The following CDH13 variants were observed in gnomAD, a reference collection of about 807,000 sequenced individuals.
CDH13 encodes the protein cadherin-13.
Under a neutral mutation model 63.8 loss-of-function variants are expected in CDH13, and 24 were observed. The ratio of observed to expected loss-of-function variants is 0.38; its 90% confidence interval spans 0.27 to 0.53. The LOEUF is 0.53. Ranked by LOEUF, CDH13 falls within the 20% of genes least tolerant of loss-of-function variation. CDH13 has a pLI of 0.85. For synonymous variants in CDH13, 503 were observed against 355.3 expected (o/e 1.42, Z -4.67); for missense variants, 1,049 against 903.1 (o/e 1.16, Z -2.07).
At chr16:83,164,039 A>G (rs1038752160) in intron 4 of CDH13, among the ~76,000 whole-genome samples, 11 of 152,072 alleles carry the variant, frequency 7.2e-5, no homozygotes, top group African/African-American at 2.4e-4. Context: ...TAAAAAAGAC[A>G]TAGTTGTTAT....
At chr16:83,678,950 G>A (rs1447942442) in intron 10 of CDH13, among the ~76,000 whole-genome samples, 3 of 152,200 alleles carry the variant, frequency 2.0e-5, no homozygotes, top group Admixed American at 6.5e-5. Context: ...GATGGAAACA[G>A]GACACTCTGC....
At chr16:82,703,867 G>A (rs2031260084) in intron 1 of CDH13, among the ~76,000 whole-genome samples, 1 of 152,124 alleles carries the variant, frequency 6.6e-6, no homozygotes, top group African/African-American at 2.4e-5. Context: ...AGTGACACCT[G>A]CACTCAGAAT....
chr16:83,260,097 TACACACACACACACACACACAC>T (rs61647390), intron 5 of CDH13, among the ~76,000 whole-genome samples: 12 of 126,478 alleles, frequency 9.5e-5, no homozygotes, highest in East Asian at 7.2e-4. Flanking sequence ...GTACCCCCAA[TACACACACACACACACACACAC>T]ACACACACAC....
At chr16:82,909,202 T>G (rs1316629759) in intron 2 of CDH13, among the ~76,000 whole-genome samples, 6 of 152,044 alleles carry the variant, frequency 3.9e-5, no homozygotes, top group African/African-American at 1.4e-4. Flanking sequence ...AATCCATGAT[T>G]GGTCAAATTC....
intron 10 of CDH13, among the ~76,000 whole-genome samples, chr16:83,688,256 T>C (rs1904510004): frequency 6.6e-6 from 1 of 152,194 alleles, no homozygotes; most frequent in African/African-American, 2.4e-5. Context: ...TTCTGTATCT[T>C]CTAAGACCTT....
At chr16:83,681,119 G>A (rs566674776) in intron 10 of CDH13, among the ~76,000 whole-genome samples, 6 of 152,054 alleles carry the variant, frequency 3.9e-5, no homozygotes, top group Admixed American at 6.5e-5. Flanking sequence ...ATTGTGCCAC[G>A]AGTCCTGGTG....
intron 2 of CDH13, among the ~76,000 whole-genome samples, chr16:82,944,166 C>A (rs1904437737): frequency 6.6e-6 from 1 of 152,182 alleles, no homozygotes; most frequent in African/African-American, 2.4e-5. Flanking sequence ...GAATACAAGG[C>A]AAACCACACC....
At chr16:83,430,721 T>A (rs1260182486) in intron 6 of CDH13, among the ~76,000 whole-genome samples, 1 of 152,202 alleles carries the variant, frequency 6.6e-6, no homozygotes, top group Non-Finnish European at 1.5e-5. Flanking sequence ...TCCTATAGTT[T>A]CACCCAGTAG....
At chr16:83,550,577 G>C (rs1425850765) in intron 7 of CDH13, among the ~76,000 whole-genome samples, 1 of 152,188 alleles carries the variant, frequency 6.6e-6, no homozygotes, top group Non-Finnish European at 1.5e-5. Flanking sequence ...AGCATGGTGG[G>C]GGATTCCTGC....
intron 5 of CDH13, among the ~76,000 whole-genome samples, chr16:83,312,951 T>G (rs1362662956): frequency 6.6e-6 from 1 of 152,224 alleles, no homozygotes; most frequent in Non-Finnish European, 1.5e-5. Context: ...AAGCCCGCTG[T>G]AAAGCATAAG....
intron 4 of CDH13, among the ~76,000 whole-genome samples, chr16:83,132,368 T>A (rs2036089707): frequency 6.6e-6 from 1 of 151,956 alleles, no homozygotes; most frequent in East Asian, 1.9e-4. Flanking sequence ...TTTGTGCCCT[T>A]TATCTATGTC....
At chr16:83,352,867 G>A (rs1319315786) in intron 6 of CDH13, among the ~76,000 whole-genome samples, 1 of 152,208 alleles carries the variant, frequency 6.6e-6, no homozygotes, top group Non-Finnish European at 1.5e-5. Flanking sequence ...TCCAGCCTGG[G>A]CGATAGAGCG....
intron 10 of CDH13, among the ~76,000 whole-genome samples, chr16:83,741,321 G>A (rs1284300285): frequency 6.6e-6 from 1 of 152,086 alleles, no homozygotes; most frequent in East Asian, 1.9e-4. Flanking sequence ...AAATTAAATA[G>A]GGTGTGAAGA....
intron 6 of CDH13, among the ~76,000 whole-genome samples, chr16:83,403,892 C>T (rs2092005125): frequency 6.6e-6 from 1 of 152,174 alleles, no homozygotes; most frequent in African/African-American, 2.4e-5. Flanking sequence ...AAAGAATGCA[C>T]ACTTGAAATG....
At chr16:82,867,502 C>G (rs2040190065) in intron 2 of CDH13, among the ~76,000 whole-genome samples, 1 of 152,144 alleles carries the variant, frequency 6.6e-6, no homozygotes, top group South Asian at 2.1e-4. Flanking sequence ...CAGCTTTCCA[C>G]CCTCTCTGTT....
intron 4 of CDH13, among the ~76,000 whole-genome samples, chr16:83,210,823 A>G (rs1460907731): frequency 6.6e-6 from 1 of 151,370 alleles, no homozygotes; most frequent in African/African-American, 2.4e-5. Context: ...GCAGTGGGGG[A>G]TCCTGGATTG....
chr16:82,870,499 G>T (rs1489660405), intron 2 of CDH13, among the ~76,000 whole-genome samples: 2 of 152,138 alleles, frequency 1.3e-5, no homozygotes, highest in Non-Finnish European at 2.9e-5. Flanking sequence ...GAAGGGTCCT[G>T]GGGAGGGAGA....
At chr16:83,707,932 T>G (rs935008466) in intron 10 of CDH13, among the ~76,000 whole-genome samples, 201 of 151,406 alleles carry the variant, frequency 1.3e-3, no homozygotes, top group African/African-American at 4.8e-3. Context: ...ACACCTTCTC[T>G]TTGGACTCAT....
chr16:82,768,178 G>T (rs753937437), intron 1 of CDH13, among the ~76,000 whole-genome samples: 25 of 152,322 alleles, frequency 1.6e-4, no homozygotes, highest in Middle Eastern at 6.8e-3. Flanking sequence ...TGCAACATGT[G>T]CCTAATTTTC....
Sources: gnomAD v4.1 joint callset for allele counts (sites outside exome capture counted in the v4.1 genomes callset) on GRCh38, gnomAD v4.1.1 for gene constraint, MANE v1.5 for transcripts, NCBI Gene and HGNC (gene_info 2026-07-23, HGNC 2026-07-21) for gene names.